The following PLEKHD1 variants were observed in gnomAD, a reference collection of about 807,000 sequenced individuals.
PLEKHD1 encodes pleckstrin homology and coiled-coil domain containing D1.
Under a neutral mutation model 69.2 loss-of-function variants are expected in PLEKHD1, and 51 were observed. The ratio of observed to expected loss-of-function variants is 0.74; its 90% CI spans 0.59 to 0.93. The LOEUF is 0.93. PLEKHD1 is among the 40% of genes least tolerant of loss of function. The pLI, the probability that PLEKHD1 is intolerant of heterozygous loss-of-function variation, is 0.00. For missense variants in PLEKHD1, 584 were observed against 641.0 expected (o/e 0.91, Z 0.96); for synonymous variants, 236 against 244.7 (o/e 0.96, Z 0.33).
intron 1 of PLEKHD1, among the ~76,000 whole-genome samples, chr14:69,495,027 G>A (rs1253079364): frequency 2.0e-5 from 3 of 152,116 alleles, no homozygotes; most frequent in Admixed American, 6.5e-5. Flanking sequence ...GCCATTCTGG[G>A]GACAGCTGCA....
chr14:69,476,136 T>C, the PLEKHD1 span, among the ~76,000 whole-genome samples: 9 of 151,558 alleles, frequency 5.9e-5, no homozygotes, highest in African/African-American at 2.2e-4. Context: ...TGTGTGCCTG[T>C]AATCCCAACT....
chr14:69,501,487 G>A, intron 4 of PLEKHD1: 1 of 423,778 alleles, frequency 2.4e-6, no homozygotes, highest in Non-Finnish European at 4.2e-6. Context: ...TGCTCTAAAA[G>A]TGCTGTTGGC....
Position 69,485,084 on chromosome 14 carries a change from T to C in PLEKHD1, c.119T>C (p.Phe40Ser). 2 of 1,550,980 alleles carry C rather than the reference T, an allele frequency of 1.3e-6. No homozygotes were observed. The highest frequency in any genetic ancestry group is 1.7e-6 in the Non-Finnish European group (2 of 1,146,730). Residue 40 changes from phenylalanine to serine, a missense_variant, in exon 1 of 13, where the codon TTC (phenylalanine) becomes TCC (serine). By Grantham distance (155) the Phe-to-Ser change is radical. Coordinates refer to ENST00000322564, the MANE Select transcript of PLEKHD1 (RefSeq NM_001161498.2). ...QLYGVLWKRP[F>S]GRPSAKWSRR... ...TACGGCGTGCTGTGGAAGAGGCCTT[T>C]CGGCAGGCCGTCGGCCAAGTGGTCC... is the stretch of plus-strand genomic sequence containing the variant.
At position 69,526,791 on chromosome 14, in the gene PLEKHD1, C is replaced by A. The variant is rs776546041; in HGVS notation, c.1018C>A (p.Leu340Met). 4.5e-5 allele frequency: 70 copies of A among 1,550,030 alleles called. No individual in the cohort carries two copies. In the South Asian group the frequency reaches 8.2e-4, roughly 18 times the overall value. The change falls in exon 10 of 13, where the codon CTG (leucine) becomes ATG (methionine). Residue 340 changes from leucine (L) to methionine (M), a missense_variant. Coordinates refer to ENST00000322564, the MANE Select transcript of PLEKHD1 (RefSeq NM_001161498.2). The stretch of plus-strand genomic sequence containing the variant: ...GGCACTGCAGAACTCGCTGCAGGAG[C>A]TGACGGCAGAGAAGCAGCAGGCTGA... ...SQALQNSLQE[L>M]TAEKQQAERE...
upstream of PLEKHD1, among the ~76,000 whole-genome samples, chr14:69,480,809 T>C (rs1173004744): frequency 2.0e-5 from 3 of 152,202 alleles, no homozygotes; most frequent in Non-Finnish European, 4.4e-5. Flanking sequence ...TGCGCCACTA[T>C]GCCTGGCTAA....
At chr14:69,499,225 GCACACACACACA>G (rs10551303) in intron 1 of PLEKHD1, among the ~76,000 whole-genome samples, 17,064 of 144,388 alleles carry the variant, frequency 0.12, 1,097 homozygotes, top group South Asian at 0.23. Flanking sequence ...TCTCATACGT[GCACACACACACA>G]CACACACACA....
intron 6 of PLEKHD1, among the ~76,000 whole-genome samples, chr14:69,517,200 T>A (rs1294173741): frequency 6.6e-6 from 1 of 151,638 alleles, no homozygotes; most frequent in African/African-American, 2.4e-5. Context: ...TGGGGAAGGA[T>A]GAGGTGAAGC....
chr14:69,508,257 T>A (rs1883195086), intron 6 of PLEKHD1, among the ~76,000 whole-genome samples: 1 of 151,848 alleles, frequency 6.6e-6, no homozygotes, highest in Admixed American at 6.6e-5. Context: ...AATACAAAAA[T>A]TAGCCGGGGG....
chr14:69,506,788 TG>T (rs1883159856), intron 6 of PLEKHD1, among the ~76,000 whole-genome samples: 5 of 151,998 alleles, frequency 3.3e-5, no homozygotes, highest in Non-Finnish European at 7.4e-5. Flanking sequence ...CTCTGGATTT[TG>T]GCAAACGTAT....
intron 6 of PLEKHD1, among the ~76,000 whole-genome samples, chr14:69,507,414 A>G (rs1883177366): frequency 6.6e-6 from 1 of 152,192 alleles, no homozygotes; most frequent in Non-Finnish European, 1.5e-5. Flanking sequence ...TCCCTACTTA[A>G]GGACATCTTG....
chr14:69,504,523 C>G (rs547524873), intron 6 of PLEKHD1, among the ~76,000 whole-genome samples: 1 of 151,218 alleles, frequency 6.6e-6, no homozygotes, highest in South Asian at 2.1e-4. Flanking sequence ...TGGCCCAAGA[C>G]GAGTTCTTGG....
intron 8 of PLEKHD1, among the ~76,000 whole-genome samples, chr14:69,524,548 T>C (rs1883596557): frequency 6.6e-6 from 1 of 152,084 alleles, no homozygotes; most frequent in Non-Finnish European, 1.5e-5. Context: ...AAGGACAAAT[T>C]CAGGCTTGTC....
At chr14:69,516,488 A>G (rs1330427946) in intron 6 of PLEKHD1, among the ~76,000 whole-genome samples, 2 of 152,122 alleles carry the variant, frequency 1.3e-5, no homozygotes, top group African/African-American at 2.4e-5. Context: ...CTTCATTAAC[A>G]TTATACATTT....
intron 8 of PLEKHD1, among the ~76,000 whole-genome samples, chr14:69,524,690 T>A (rs1049957752): frequency 1.3e-5 from 2 of 152,190 alleles, no homozygotes; most frequent in African/African-American, 4.8e-5. Context: ...TAGCTGCTCC[T>A]GAGTGACATT....
chr14:69,498,581 TTTTTG>T (rs1566557249), intron 1 of PLEKHD1, among the ~76,000 whole-genome samples: 4 of 103,568 alleles, frequency 3.9e-5, no homozygotes, highest in East Asian at 3.3e-4. Context: ...GCAAGGTTTC[TTTTTG>T]TTTTCTCTTC....
At chr14:69,510,633 A>AATTCCAGG (rs1883250206) in intron 6 of PLEKHD1, among the ~76,000 whole-genome samples, 1 of 152,208 alleles carries the variant, frequency 6.6e-6, no homozygotes, top group African/African-American at 2.4e-5. Context: ...ATTGCTTATT[A>AATTCCAGG]ATTCCAGGAA....
intron 6 of PLEKHD1, among the ~76,000 whole-genome samples, chr14:69,512,214 T>C (rs1883286234): frequency 6.6e-6 from 1 of 150,486 alleles, no homozygotes; most frequent in South Asian, 2.1e-4. Flanking sequence ...ATTATCCTTT[T>C]AATGTCAGTG....
At chr14:69,479,870 A>T (rs985446076), upstream of PLEKHD1, among the ~76,000 whole-genome samples, 1 of 152,124 alleles carries the variant, frequency 6.6e-6, no homozygotes, top group African/African-American at 2.4e-5. Flanking sequence ...CCACACACAC[A>T]GACTATTTTA....
chr14:69,482,342 C>A (rs1196653001), upstream of PLEKHD1, among the ~76,000 whole-genome samples: 2 of 152,226 alleles, frequency 1.3e-5, no homozygotes, highest in Non-Finnish European at 2.9e-5. Flanking sequence ...CACCACTAGT[C>A]CTCATCACCA....
Sources: gnomAD v4.1 joint callset for allele counts (sites outside exome capture counted in the v4.1 genomes callset) on GRCh38, gnomAD v4.1.1 for gene constraint, MANE v1.5 for transcripts, NCBI Gene and HGNC (gene_info 2026-07-23, HGNC 2026-07-21) for gene names.